DMD: variants seen among roughly 807,000 people sequenced by gnomAD.
DMD encodes the protein dystrophin.
A neutral mutation model predicts 330.1 loss-of-function variants in DMD; 63 were observed. The observed-to-expected ratio is 0.19, with a 90% confidence interval of 0.16 to 0.24. The LOEUF is 0.24. DMD is among the 10% of genes least tolerant of loss of function. The pLI, the probability that DMD is intolerant of heterozygous loss-of-function variation, is 1.00. For missense variants in DMD, 3,344 were observed against 2,684.1 expected, an observed-to-expected ratio of 1.25 and a Z score of -5.43; for synonymous variants, 1,223 against 959.8, an observed-to-expected ratio of 1.27 and a Z score of -5.07.
In DMD at chrX:32,396,036, G is replaced by A. The variant is rs73463844; in HGVS notation, c.4234-5855C>T. ...TAGCGTAAGTGATCACTGCAACACA[G>A]GCCTTCCTGATAAGTTCCACATTTT... On this transcript the variant is annotated intron_variant, in intron 30 of 78. Coordinates refer to ENST00000357033, the MANE Select transcript of DMD (RefSeq NM_004006.3). Among the ~76,000 whole-genome samples, 1,016 of 110,596 alleles carry A rather than the reference G, an allele frequency of 9.2e-3. 15 individuals carry two copies. Among genetic ancestry groups the A allele is most frequent in the African/African-American group, 0.032 (962 of 30,415 alleles).
chrX:33,080,070 T>G lies in DMD; in HGVS notation c.32-59870A>C, dbSNP rs1164167700. Reference sequence around the variant, plus strand: ...TAAAATTTTATGTATCTATCCAGTTTTAATTAGTTTGACCACAAGGTGACA... The same window carrying G: ...TAAAATTTTATGTATCTATCCAGTTGTAATTAGTTTGACCACAAGGTGACA... On this transcript the variant is annotated intron_variant, in intron 1 of 78. Coordinates refer to ENST00000357033, the MANE Select transcript of DMD (RefSeq NM_004006.3). 8.0e-5 allele frequency among the ~76,000 whole-genome samples: 9 copies of G among 112,566 alleles called. No individual in the cohort carries two copies. The Admixed American group carries it at 8.5e-4, about 11-fold the overall frequency.
Position 32,132,993 on chromosome X carries a change from C to CTTTTCTT in DMD, c.6438+83922_6438+83923insAAGAAAA, listed in dbSNP as rs2096705124. 1.7e-4 allele frequency among the ~76,000 whole-genome samples: 13 copies of CTTTTCTT among 75,965 alleles called. 2 individuals are homozygous for CTTTTCTT. Among genetic ancestry groups the CTTTTCTT allele is most frequent in the African/African-American group, 8.9e-4 (13 of 14,533 alleles). 66.0% of individuals were successfully genotyped at this position (75,965 alleles called of 115,157 possible). ...TCTCATTGATCACTCCTTTTCTTTT[C>CTTTTCTT]TTTTTTTTTTTTTTTTTTTTTTTTT... On this transcript the variant is annotated intron_variant, in intron 44 of 78. Coordinates refer to ENST00000357033, the MANE Select transcript of DMD (RefSeq NM_004006.3).
At chrX:31,146,532 C>T in intron 75 of DMD, 118 bp from the exon 76 acceptor site, 1 of 725,026 alleles carries the variant, frequency 1.4e-6, no homozygotes, top group Non-Finnish European at 2.1e-6. Flanking sequence ...CTTTAGAAGC[C>T]CTCCCAAAGA....
At chrX:32,440,559 A>T (rs1325837325) in intron 28 of DMD, among the ~76,000 whole-genome samples, 1 of 111,645 alleles carries the variant, frequency 9.0e-6, no homozygotes, top group African/African-American at 3.2e-5. Context: ...CATATAGATA[A>T]GTCAAAAGTA....
intron 41 of DMD, among the ~76,000 whole-genome samples, chrX:32,315,670 A>G (rs2097580450): frequency 9.0e-6 from 1 of 111,505 alleles, no homozygotes; most frequent in Admixed American, 9.6e-5. Context: ...TAAAGAATGT[A>G]GGCAGCACAC....
intron 47 of DMD, among the ~76,000 whole-genome samples, chrX:31,895,357 T>G (rs2094316881): frequency 8.9e-6 from 1 of 112,352 alleles, no homozygotes; most frequent in Admixed American, 9.5e-5. Flanking sequence ...ATCTTATGAC[T>G]AGGGTTGCCT....
At chrX:32,450,049 C>T (rs2098323733) in intron 26 of DMD, among the ~76,000 whole-genome samples, 1 of 110,736 alleles carries the variant, frequency 9.0e-6, no homozygotes. Context: ...TATCATCTTC[C>T]CTAATTGTTA....
chrX:31,142,809 T>C (rs1026792782), intron 76 of DMD, among the ~76,000 whole-genome samples: 2 of 112,038 alleles, frequency 1.8e-5, no homozygotes, highest in Admixed American at 9.4e-5. Context: ...CTTCCTCCAA[T>C]AGAATGTACG....
intron 55 of DMD, among the ~76,000 whole-genome samples, chrX:31,568,658 A>T (rs1198216035): frequency 1.8e-5 from 2 of 111,557 alleles, no homozygotes; most frequent in East Asian, 5.6e-4. Flanking sequence ...TTGTATTTGA[A>T]ATAAACTTCT....
intron 42 of DMD, among the ~76,000 whole-genome samples, chrX:32,290,538 TG>T (rs2097462786): frequency 8.9e-6 from 1 of 112,023 alleles, no homozygotes; most frequent in Non-Finnish European, 1.9e-5. Flanking sequence ...AAACCACAAA[TG>T]GGTTATACGG....
At chrX:32,394,916 C>CAAACAAACAAAAAAAAAAACAAAAAA (rs2098030184) in intron 30 of DMD, among the ~76,000 whole-genome samples, 1 of 39,030 alleles carries the variant, frequency 2.6e-5, no homozygotes, top group African/African-American at 7.9e-5. Flanking sequence ...AACAAAAAAA[C>CAAACAAACAAAAAAAAAAACAAAAAA]AAAAAAAAAA....
chrX:32,140,957 T>C (rs1013608915), intron 44 of DMD, among the ~76,000 whole-genome samples: 1 of 111,239 alleles, frequency 9.0e-6, no homozygotes, highest in Non-Finnish European at 1.9e-5. Context: ...CACCACCAAA[T>C]TTTGCTCAAA....
chrX:32,208,564 G>A (rs2097080871), intron 44 of DMD, among the ~76,000 whole-genome samples: 1 of 111,433 alleles, frequency 9.0e-6, no homozygotes, highest in Admixed American at 9.6e-5. Context: ...GTCAATTAGG[G>A]GGCAGGAAAA....
Position 31,178,728 on chromosome X carries a change from C to G in DMD, c.10164G>C (p.Lys3388Asn), listed in dbSNP as rs372978469. 1.7e-6 allele frequency: 2 copies of G among 1,211,224 alleles called. No homozygotes were observed. The highest frequency in any genetic ancestry group is 2.2e-6 in the Non-Finnish European group (2 of 895,034). ...CTGGCAGGTAGCCCATTCGGGGATG[C>G]TTCGCAAAATACCTTTTGGTTCGAA... ...NKFRTKRYFA[K>N]HPRMGYLPVQ... The change falls in exon 70 of 79, where the codon AAG becomes AAC. Residue 3388 changes from lysine (K) to asparagine (N), a missense_variant. Coordinates refer to ENST00000357033, the MANE Select transcript of DMD (RefSeq NM_004006.3).
intron 1 of DMD, among the ~76,000 whole-genome samples, chrX:33,313,322 T>C: frequency 8.9e-6 from 1 of 111,739 alleles, no homozygotes; most frequent in Non-Finnish European, 1.9e-5. Flanking sequence ...TCCCATTTGG[T>C]TATGGTGTTT....
chrX:33,120,945 A>C (rs1232703546), intron 1 of DMD, among the ~76,000 whole-genome samples: 1 of 106,893 alleles, frequency 9.4e-6, no homozygotes, highest in Non-Finnish European at 1.9e-5. Flanking sequence ...TATATACTGG[A>C]TCTTATAAAT....
intron 44 of DMD, among the ~76,000 whole-genome samples, chrX:32,090,717 T>C (rs1661231263): frequency 9.0e-6 from 1 of 111,517 alleles, no homozygotes; most frequent in South Asian, 3.8e-4. Context: ...GTACAAGTAA[T>C]GTGAATGAAA....
chrX:31,380,396 G>A (rs183995994), intron 60 of DMD, among the ~76,000 whole-genome samples: 1,278 of 108,992 alleles, frequency 0.012, 23 homozygotes, highest in African/African-American at 0.041. Context: ...TAACCCACAA[G>A]CATAAGACAC....
intron 1 of DMD, among the ~76,000 whole-genome samples, chrX:33,223,971 G>A (rs768710657): frequency 1.8e-5 from 2 of 112,045 alleles, no homozygotes; most frequent in Admixed American, 9.5e-5. Context: ...GAAAACAGGC[G>A]TATGAAAAGA....
Sources: gnomAD v4.1 joint callset for allele counts (sites outside exome capture counted in the v4.1 genomes callset) on GRCh38, gnomAD v4.1.1 for gene constraint, MANE v1.5 for transcripts, NCBI Gene and HGNC (gene_info 2026-07-23, HGNC 2026-07-21) for gene names.